The following SWAP70 variants were observed in gnomAD, a reference collection of about 807,000 sequenced individuals.
The protein encoded by SWAP70 is switching B cell complex subunit SWAP70.
SWAP70 carries 34 observed loss-of-function variants against 80.2 expected under a neutral mutation model. The ratio of observed to expected loss-of-function variants is 0.42; its 90% CI spans 0.32 to 0.56. The LOEUF is 0.56. SWAP70 is among the 20% of genes least tolerant of loss of function. The pLI is 0.09. For synonymous variants in SWAP70, 239 were observed against 238.5 expected (o/e 1.00, Z -0.02); for missense variants, 578 against 690.7 (o/e 0.84, Z 1.83).
In SWAP70 at chr11:9,737,894, C is replaced by CAAAT. The variant is rs551367108; in HGVS notation, c.1081-299_1081-296dup. ...CTGGCGACAGAGCAAGACTCAGTCT[C>CAAAT]AAATAAATAAATAAATAAATAAAAA... On this transcript the variant is annotated intron_variant, in intron 7 of 11. Coordinates refer to ENST00000318950, the MANE Select transcript of SWAP70 (RefSeq NM_015055.4). 6.8e-3 allele frequency among the ~76,000 whole-genome samples: 1,029 copies of CAAAT among 152,154 alleles called. 6 individuals are homozygous for CAAAT. Among genetic ancestry groups the CAAAT allele is most frequent in the African/African-American group, 0.016 (684 of 41,520 alleles).
chr11:9,692,148 T>C (rs200626827), intron 1 of SWAP70, among the ~76,000 whole-genome samples: 1 of 151,712 alleles, frequency 6.6e-6, no homozygotes, highest in Non-Finnish European at 1.5e-5. Flanking sequence ...AGCAGGTTAA[T>C]GTAGAAGAAA....
intron 9 of SWAP70, among the ~76,000 whole-genome samples, chr11:9,744,303 A>C (rs1159052615): frequency 6.6e-6 from 1 of 152,116 alleles, no homozygotes; most frequent in East Asian, 1.9e-4. Context: ...GTTTTTTATT[A>C]ACTTTTAATT....
At chr11:9,694,930 C>G (rs1487992654) in intron 2 of SWAP70, among the ~76,000 whole-genome samples, 1 of 152,076 alleles carries the variant, frequency 6.6e-6, no homozygotes, top group Non-Finnish European at 1.5e-5. Flanking sequence ...ACCAGAAATA[C>G]CATTTGACCC....
Position 9,728,213 on chromosome 11 carries a change from T to C in SWAP70, c.789+14T>C, listed in dbSNP as rs1337762034. ...TGCTGTGTAGAGGTGAGTCTACTCTTACTTCTTTGCATGATTACCCCGTGC... is the reference window on the plus strand; with the variant it reads ...TGCTGTGTAGAGGTGAGTCTACTCTCACTTCTTTGCATGATTACCCCGTGC... On this transcript the variant is annotated intron_variant, in intron 5 of 11. Transcript: ENST00000318950. The C allele has an allele frequency of 1.9e-6, 3 of 1,582,364 alleles. No homozygotes were observed. In the African/African-American group the frequency reaches 4.1e-5, roughly 22 times the overall value.
intron 1 of SWAP70, among the ~76,000 whole-genome samples, chr11:9,690,622 C>T (rs1265968176): frequency 2.6e-5 from 4 of 151,804 alleles, no homozygotes; most frequent in Admixed American, 2.0e-4. Flanking sequence ...CATGGTGGCT[C>T]ATGTGTATAA....
At chr11:9,724,959 A>G in intron 4 of SWAP70, 74 bp downstream of exon 4, 1 of 1,079,976 alleles carries the variant, frequency 9.3e-7, no homozygotes, top group South Asian at 1.5e-5. Context: ...TTTGTCACAA[A>G]GATGAGTATA....
chr11:9,725,550 TATATATA>T (rs1851203595), intron 4 of SWAP70, among the ~76,000 whole-genome samples: 2 of 10,906 alleles, frequency 1.8e-4, no homozygotes, highest in African/African-American at 5.5e-4. Flanking sequence ...TATATATATA[TATATATA>T]TATATATATA....
rs1851592830 is a variant in SWAP70, at chr11:9,751,724, C to T, written c.*1754C>T. 1 of 44,594 alleles carries T rather than the reference C, an allele frequency of 2.2e-5. No individual in the cohort carries two copies. The highest frequency in any genetic ancestry group is 5.5e-4 in the South Asian group (1 of 1,804). The allele number at this position is 44,594 out of a possible 1,614,324, so 2.8% of individuals were successfully genotyped here. A position where few individuals can be genotyped will look rare whatever the true frequency, so the allele number is the denominator to read the frequency against. On this transcript the variant is annotated 3_prime_UTR_variant, in exon 12 of 12. Transcript: ENST00000318950. ...TGGAATATAATCCCATAAATTATCACCTTTTATGACTGGAAAATATTTGCC... is the reference window on the plus strand; with the variant it reads ...TGGAATATAATCCCATAAATTATCATCTTTTATGACTGGAAAATATTTGCC...
intron 3 of SWAP70, among the ~76,000 whole-genome samples, chr11:9,718,055 GGCCAGA>G (rs1590035864): frequency 6.6e-6 from 1 of 152,260 alleles, no homozygotes; most frequent in East Asian, 1.9e-4. Context: ...CGTTTCTGTA[GGCCAGA>G]GCCCAGCCAA....
chr11:9,707,705 G>A (rs1455889347), intron 2 of SWAP70, among the ~76,000 whole-genome samples: 3 of 151,576 alleles, frequency 2.0e-5, no homozygotes, highest in Non-Finnish European at 4.4e-5. Context: ...ACAGGTGCCT[G>A]CCACCATGCC....
intron 2 of SWAP70, among the ~76,000 whole-genome samples, chr11:9,706,455 G>A (rs549173098): frequency 2.0e-5 from 3 of 151,974 alleles, no homozygotes; most frequent in South Asian, 4.2e-4. Context: ...ATATTTGTAG[G>A]ATATATGAAA....
At chr11:9,727,951 G>T in intron 4 of SWAP70, 102 bp from the exon 5 acceptor site, 1 of 1,139,930 alleles carries the variant, frequency 8.8e-7, no homozygotes, top group Admixed American at 3.2e-5. Context: ...ATGTTTTCAG[G>T]ATCATATATC....
chr11:9,721,341 A>G (rs749504629), intron 3 of SWAP70, among the ~76,000 whole-genome samples: 2 of 152,130 alleles, frequency 1.3e-5, no homozygotes, highest in African/African-American at 4.8e-5. Flanking sequence ...TTTTTCTCCA[A>G]CAAGTAAATT....
At position 9,722,160 on chromosome 11, in the gene SWAP70, C is replaced by T. The variant is rs116161200; in HGVS notation, c.415-2498C>T. On this transcript the variant is annotated intron_variant, in intron 3 of 11. Transcript: ENST00000318950. ...TATGTGATGGGCATTGTGCAAATTG[C>T]TCTGTATTTGTCTCATTTCACCCCA... 2.5e-3 allele frequency among the ~76,000 whole-genome samples: 374 copies of T among 152,284 alleles called. 2 individuals are homozygous for T. Among genetic ancestry groups the T allele is most frequent in the African/African-American group, 8.6e-3 (358 of 41,538 alleles).
At chr11:9,677,071 A>G (rs1336877649) in intron 1 of SWAP70, among the ~76,000 whole-genome samples, 2 of 151,388 alleles carry the variant, frequency 1.3e-5, no homozygotes, top group African/African-American at 4.9e-5. Context: ...AATGAGAGCT[A>G]TTCGTATGTG....
At chr11:9,668,976 T>A (rs1850341181) in intron 1 of SWAP70, among the ~76,000 whole-genome samples, 1 of 152,090 alleles carries the variant, frequency 6.6e-6, no homozygotes, top group Admixed American at 6.6e-5. Context: ...GAAGGCACAC[T>A]CTCTCTCTCC....
chr11:9,668,421 G>C (rs1850335261), intron 1 of SWAP70, among the ~76,000 whole-genome samples: 1 of 152,198 alleles, frequency 6.6e-6, no homozygotes, highest in Non-Finnish European at 1.5e-5. Flanking sequence ...GTCTGTATGA[G>C]ACTTTGGGAT....
At chr11:9,701,414 C>T (rs1482042978) in intron 2 of SWAP70, among the ~76,000 whole-genome samples, 1 of 151,938 alleles carries the variant, frequency 6.6e-6, no homozygotes. Context: ...TCAGGTGATC[C>T]ACCTGCCTCG....
intron 9 of SWAP70, among the ~76,000 whole-genome samples, chr11:9,745,453 AT>A (rs1434401672): frequency 6.6e-6 from 1 of 152,238 alleles, no homozygotes; most frequent in Non-Finnish European, 1.5e-5. Context: ...CAAGAAGCTA[AT>A]TTAACATATC....
Sources: gnomAD v4.1 joint callset for allele counts (sites outside exome capture counted in the v4.1 genomes callset) on GRCh38, gnomAD v4.1.1 for gene constraint, MANE v1.5 for transcripts, NCBI Gene and HGNC (gene_info 2026-07-23, HGNC 2026-07-21) for gene names.